Variants in ZMYND8 observed in about 807,000 individuals in gnomAD.
The protein encoded by ZMYND8 is zinc finger MYND-type containing 8.
A neutral mutation model predicts 140.8 loss-of-function variants in ZMYND8; 37 were observed. The ratio of observed to expected loss-of-function variants is 0.26; its 90% CI spans 0.20 to 0.35. ZMYND8 has a LOEUF of 0.35. Ranked by LOEUF, ZMYND8 falls within the 10% of genes least tolerant of loss-of-function variation. The pLI is 1.00. For synonymous variants in ZMYND8, 592 were observed against 597.1 expected (o/e 0.99, Z 0.12); for missense variants, 1,068 against 1,570.0 (o/e 0.68, Z 5.40).
At chr20:47,347,753 A>G in intron 2 of ZMYND8, 103 bp downstream of exon 2, 4 of 1,096,346 alleles carry the variant, frequency 3.6e-6, no homozygotes, top group Non-Finnish European at 5.4e-6. Context: ...AAGAGTTACA[A>G]CGTCGGCTCA....
In ZMYND8 at chr20:47,262,348, G is replaced by A; in HGVS notation, c.1561C>T (p.Pro521Ser). ...GTTTTGTCCGTTTTCGTCGTGATAG[G>A]AGCTGACAGTTGAGGAGAGAAGGGC... ...PKPFSPQLSA[P>S]ITTKTDKTST... The change falls in exon 12 of 23, where the codon CCT becomes TCT. Residue 521 changes from proline to serine, a missense_variant. Pro to Ser is a moderately conservative substitution (Grantham distance 74, BLOSUM62 -1). Around this residue, in one of 10 missense-constraint regions of ZMYND8, gnomAD observed 173 missense variants for 223.3 expected, o/e 0.77. Coordinates refer to ENST00000471951, the MANE Select transcript of ZMYND8 (RefSeq NM_001281775.3). The A allele has an allele frequency of 1.2e-6, 2 of 1,614,026 alleles. No homozygotes were observed. The highest frequency in any genetic ancestry group is 1.7e-6 in the Non-Finnish European group (2 of 1,180,024).
intron 15 of ZMYND8, chr20:47,237,808 A>G (rs1446971234): frequency 6.6e-6 from 1 of 152,222 alleles, no homozygotes; most frequent in African/African-American, 2.4e-5. Context: ...GTTTCCTGGT[A>G]GAAAGATCTA....
chr20:47,346,077 C>T (rs907963938), intron 2 of ZMYND8, among the ~76,000 whole-genome samples: 5 of 152,142 alleles, frequency 3.3e-5, no homozygotes, highest in Non-Finnish European at 5.9e-5. Context: ...TCTAATCCAA[C>T]ACCCCACTTC....
chr20:47,230,652 T>G (rs2038347448), intron 16 of ZMYND8, among the ~76,000 whole-genome samples: 1 of 152,136 alleles, frequency 6.6e-6, no homozygotes, highest in South Asian at 2.1e-4. Context: ...TTTCATTATT[T>G]CCCGTCAAAA....
At chr20:47,230,635 T>C (rs2038344773) in intron 16 of ZMYND8, among the ~76,000 whole-genome samples, 1 of 152,146 alleles carries the variant, frequency 6.6e-6, no homozygotes, top group Non-Finnish European at 1.5e-5. Context: ...GATTACTTTG[T>C]TTTGGTTTTC....
chr20:47,291,642 G>C (rs1049655836), intron 6 of ZMYND8, among the ~76,000 whole-genome samples, 154 bp downstream of exon 6: 1 of 152,190 alleles, frequency 6.6e-6, no homozygotes, highest in African/African-American at 2.4e-5. Context: ...AGAGAATCAA[G>C]AGTTCTTCTA....
At chr20:47,213,547 G>A (rs975259427) in intron 21 of ZMYND8, among the ~76,000 whole-genome samples, 1 of 152,192 alleles carries the variant, frequency 6.6e-6, no homozygotes, top group African/African-American at 2.4e-5. Flanking sequence ...TGCAGTTATA[G>A]GACAGAATGC....
At chr20:47,297,973 C>T (rs1179747935) in intron 4 of ZMYND8, among the ~76,000 whole-genome samples, 4 of 152,076 alleles carry the variant, frequency 2.6e-5, no homozygotes, top group Admixed American at 2.6e-4. Context: ...GGAAGTTGTC[C>T]CCCAAATGGC....
intron 2 of ZMYND8, among the ~76,000 whole-genome samples, chr20:47,326,285 A>C (rs1482716022): frequency 6.6e-6 from 1 of 151,738 alleles, no homozygotes; most frequent in Non-Finnish European, 1.5e-5. Flanking sequence ...ATTTTTTAGT[A>C]GAGATGGGGT....
chr20:47,281,101 T>C (rs1444098593), intron 10 of ZMYND8, among the ~76,000 whole-genome samples: 1 of 152,246 alleles, frequency 6.6e-6, no homozygotes, highest in African/African-American at 2.4e-5. Flanking sequence ...TCATCAAATA[T>C]GTATTTCTTT....
intron 2 of ZMYND8, among the ~76,000 whole-genome samples, chr20:47,333,736 A>AAAAAAAAC (rs2081156644): frequency 8.3e-6 from 1 of 120,422 alleles, no homozygotes; most frequent in African/African-American, 3.5e-5. Flanking sequence ...AAAAAAAAAA[A>AAAAAAAAC]AAAAAAAAAA....
At chr20:47,254,636 T>A (rs551512531) in intron 12 of ZMYND8, among the ~76,000 whole-genome samples, 1 of 145,374 alleles carries the variant, frequency 6.9e-6, no homozygotes, top group African/African-American at 2.6e-5. Flanking sequence ...AAGAAGGAAA[T>A]GGAAAATCGC....
intron 12 of ZMYND8, among the ~76,000 whole-genome samples, chr20:47,258,815 C>T (rs2074947446): frequency 6.6e-6 from 1 of 152,120 alleles, no homozygotes; most frequent in Admixed American, 6.5e-5. Context: ...TTCTGATCTC[C>T]TCCCCACCCA....
In ZMYND8 at chr20:47,249,284, T is replaced by A; in HGVS notation, c.1774+3A>T. ...GAAAAAAAAAACAAAACCAAAGGTA[T>A]ACCTAATTGTGCTTTGCAACTCTCT... On this transcript the variant is annotated splice_donor_region_variant and intron_variant, in intron 13 of 22. Coordinates refer to ENST00000471951, the MANE Select transcript of ZMYND8 (RefSeq NM_001281775.3). 6.2e-7 allele frequency: 1 copy of A among 1,609,902 alleles called. No homozygotes were observed. Among genetic ancestry groups the A allele is most frequent in the Non-Finnish European group, 8.5e-7 (1 of 1,178,800 alleles).
chr20:47,242,120 G>A (rs1439079233), intron 14 of ZMYND8, among the ~76,000 whole-genome samples: 1 of 152,140 alleles, frequency 6.6e-6, no homozygotes, highest in Non-Finnish European at 1.5e-5. Flanking sequence ...CCCGGCCTAT[G>A]TCTGTCTTTT....
chr20:47,222,621 G>A (rs192487983), intron 19 of ZMYND8, among the ~76,000 whole-genome samples: 3 of 152,270 alleles, frequency 2.0e-5, no homozygotes, highest in East Asian at 3.9e-4. Flanking sequence ...AAGGAAAGCC[G>A]AAGGACATTT....
At position 47,209,813 on chromosome 20, in the gene ZMYND8, C is replaced by G. The variant is rs1019930515; in HGVS notation, c.*948G>C. 2.0e-5 allele frequency: 3 copies of G among 152,622 alleles called. No individual in the cohort carries two copies. The highest frequency in any genetic ancestry group is 7.2e-5 in the African/African-American group (3 of 41,430). 9.5% of individuals were successfully genotyped at this position (152,622 alleles called of 1,614,324 possible). Reference sequence around the variant, plus strand: ...CTTACATAAAAACGTGAAATTCCATCATATAAATAATACGTACATGCTTCA... The same window carrying G: ...CTTACATAAAAACGTGAAATTCCATGATATAAATAATACGTACATGCTTCA... On this transcript the variant is annotated 3_prime_UTR_variant, in exon 23 of 23. Transcript: ENST00000471951.
intron 2 of ZMYND8, among the ~76,000 whole-genome samples, chr20:47,345,759 T>G (rs1039483647): frequency 6.9e-6 from 1 of 145,620 alleles, no homozygotes; most frequent in Non-Finnish European, 1.5e-5. Context: ...TCCACCCGCC[T>G]CGCCCTCCCA....
intron 10 of ZMYND8, among the ~76,000 whole-genome samples, chr20:47,279,536 C>T (rs2076472631): frequency 6.6e-6 from 1 of 151,960 alleles, no homozygotes; most frequent in Middle Eastern, 3.4e-3. Flanking sequence ...GTATTTCAAG[C>T]GAAATTAGAT....
Sources: allele counts gnomAD v4.1 joint callset (sites outside exome capture counted in the v4.1 genomes callset), GRCh38; gene constraint gnomAD v4.1.1; regional missense constraint gnomAD v4.1.1; transcripts MANE v1.5; gene names NCBI Gene and HGNC (gene_info 2026-07-23, HGNC 2026-07-21).